Variants in ZCCHC7 observed in about 807,000 individuals in gnomAD.
ZCCHC7 encodes zinc finger CCHC domain-containing protein 7.
In ZCCHC7, 35 loss-of-function variants were observed where a neutral mutation model predicts 52.0. The ratio of observed to expected loss-of-function variants is 0.67; its 90% confidence interval spans 0.51 to 0.89. The LOEUF (loss-of-function observed/expected upper bound fraction) is 0.89, where lower values mean the gene tolerates loss of function less well. Ranked by LOEUF, ZCCHC7 falls within the 40% of genes least tolerant of loss-of-function variation. The pLI is 0.00. For missense variants in ZCCHC7, 574 were observed against 649.1 expected, an observed-to-expected ratio of 0.88 and a Z score of 1.26; for synonymous variants, 217 against 221.5, an observed-to-expected ratio of 0.98 and a Z score of 0.18.
chr9:37,255,619 T>A (rs67144625), intron 2 of ZCCHC7, among the ~76,000 whole-genome samples: 20,723 of 152,106 alleles, frequency 0.14, 1,726 homozygotes, highest in Non-Finnish European at 0.17. Context: ...GCTACTGTAT[T>A]TTAATATTTG....
chr9:37,178,167 A>G (rs1358885298), intron 2 of ZCCHC7, among the ~76,000 whole-genome samples: 2 of 152,168 alleles, frequency 1.3e-5, no homozygotes, highest in African/African-American at 4.8e-5. Flanking sequence ...TTAAAACACC[A>G]TGCTGATGAG....
intron 2 of ZCCHC7, among the ~76,000 whole-genome samples, chr9:37,263,349 T>C (rs1194050974): frequency 1.3e-5 from 2 of 152,086 alleles, no homozygotes; most frequent in Non-Finnish European, 2.9e-5. Flanking sequence ...TATATACCCT[T>C]ATATTTTGTA....
chr9:37,180,925 A>G (rs1822316777), intron 2 of ZCCHC7, among the ~76,000 whole-genome samples: 1 of 152,164 alleles, frequency 6.6e-6, no homozygotes, highest in Admixed American at 6.5e-5. Flanking sequence ...TTATTTATAA[A>G]ACAAATATTT....
chr9:37,300,901 A>G (rs1166194997), intron 2 of ZCCHC7, among the ~76,000 whole-genome samples: 1 of 152,224 alleles, frequency 6.6e-6, no homozygotes, highest in African/African-American at 2.4e-5. Context: ...AAAATAGCTG[A>G]TACAAGAAAA....
rs73646326 is a variant in ZCCHC7, at chr9:37,141,054, T to G, written c.610+14112T>G. Among the ~76,000 whole-genome samples, 376 of 152,078 alleles carry G rather than the reference T, an allele frequency of 2.5e-3. 2 individuals are homozygous for G. The highest frequency in any genetic ancestry group is 8.7e-3 in the African/African-American group (362 of 41,560). ...TATTTTTAGAATTTATTAAAACTAA[T>G]AAAATTTGTTTGGAAATCTCAAAAG... On this transcript the variant is annotated intron_variant, in intron 2 of 8. Coordinates refer to ENST00000336755, the MANE Select transcript of ZCCHC7 (RefSeq NM_032226.3).
At chr9:37,120,557 C>T (rs1037208025), upstream of ZCCHC7, 2 of 399,394 alleles carry the variant, frequency 5.0e-6, no homozygotes, top group Non-Finnish European at 8.8e-6. Flanking sequence ...CTCATTTGTC[C>T]TCGCCCCTCC....
At chr9:37,276,949 A>C (rs1318900441) in intron 2 of ZCCHC7, among the ~76,000 whole-genome samples, 1 of 152,224 alleles carries the variant, frequency 6.6e-6, no homozygotes, top group Non-Finnish European at 1.5e-5. Flanking sequence ...GGTTTATTAA[A>C]TAGTGAAAAA....
intron 2 of ZCCHC7, among the ~76,000 whole-genome samples, chr9:37,267,566 C>CTTTTT (rs983055913): frequency 6.9e-5 from 8 of 115,290 alleles, no homozygotes; most frequent in Non-Finnish European, 8.8e-5. Flanking sequence ...CTAATTTTTT[C>CTTTTT]TTTTTTTTTT....
intron 2 of ZCCHC7, among the ~76,000 whole-genome samples, chr9:37,268,457 C>T (rs1435624084): frequency 7.3e-5 from 11 of 150,648 alleles, no homozygotes; most frequent in East Asian, 1.9e-4. Flanking sequence ...GACAGAGTCT[C>T]GCTCTGTTGC....
intron 2 of ZCCHC7, among the ~76,000 whole-genome samples, chr9:37,277,225 T>C (rs1041418160): frequency 1.3e-5 from 2 of 152,226 alleles, no homozygotes; most frequent in African/African-American, 4.8e-5. Context: ...GAATTGTTCA[T>C]AATGTACCAA....
chr9:37,260,271 A>G (rs2133441760), intron 2 of ZCCHC7, among the ~76,000 whole-genome samples: 1 of 152,304 alleles, frequency 6.6e-6, no homozygotes. Flanking sequence ...TGCTGCCATC[A>G]TTGCCATTGC....
Position 37,198,242 on chromosome 9 carries a change from A to G in ZCCHC7, c.610+71300A>G, listed in dbSNP as rs73448454. Among the ~76,000 whole-genome samples the G allele has an allele frequency of 4.4e-3, 672 of 152,276 alleles. 3 individuals are homozygous for G. Among genetic ancestry groups the G allele is most frequent in the African/African-American group, 0.015 (643 of 41,538 alleles). On this transcript the variant is annotated intron_variant, in intron 2 of 8. Transcript: ENST00000336755. Reference sequence around the variant, plus strand: ...TCTATTCATCCTGTGAGATGAATAGACCCAGCTAAAATATCACTTGTTCTA... The same window carrying G: ...TCTATTCATCCTGTGAGATGAATAGGCCCAGCTAAAATATCACTTGTTCTA...
At chr9:37,213,354 A>G (rs376099284) in intron 2 of ZCCHC7, among the ~76,000 whole-genome samples, 3 of 152,306 alleles carry the variant, frequency 2.0e-5, no homozygotes, top group Admixed American at 6.5e-5. Context: ...GAAAACCTGT[A>G]GTTCCACAGG....
intron 2 of ZCCHC7, chr9:37,147,442 A>G (rs1359176592): frequency 6.6e-6 from 1 of 151,946 alleles, no homozygotes; most frequent in Admixed American, 6.6e-5. Context: ...ATGTAGAGCT[A>G]TAGGTGGGTG....
intron 2 of ZCCHC7, among the ~76,000 whole-genome samples, chr9:37,280,058 G>A (rs1333524303): frequency 6.6e-6 from 1 of 151,800 alleles, no homozygotes; most frequent in Non-Finnish European, 1.5e-5. Context: ...GGAGAATGGC[G>A]CGAACCCGGG....
intron 2 of ZCCHC7, among the ~76,000 whole-genome samples, chr9:37,203,576 T>G (rs1434956807): frequency 6.6e-6 from 1 of 152,192 alleles, no homozygotes; most frequent in Non-Finnish European, 1.5e-5. Context: ...TGTGTTCCTG[T>G]GTTAGTTTAC....
intron 2 of ZCCHC7, among the ~76,000 whole-genome samples, chr9:37,188,342 C>T (rs1268171846): frequency 6.6e-6 from 1 of 151,646 alleles, no homozygotes; most frequent in Non-Finnish European, 1.5e-5. Flanking sequence ...TTTATAGTGC[C>T]AAGATTTCAC....
chr9:37,131,140 A>G lies in ZCCHC7; in HGVS notation c.610+4198A>G, dbSNP rs183389070. Reference sequence around the variant, plus strand: ...TGGATCACGAGGTCGGGAGATCGAGACCAGCCTGGCTAACACGGTGAAACC... The same window carrying G: ...TGGATCACGAGGTCGGGAGATCGAGGCCAGCCTGGCTAACACGGTGAAACC... On this transcript the variant is annotated intron_variant, in intron 2 of 8. Transcript: ENST00000336755. Among the ~76,000 whole-genome samples, 1,128 of 151,654 alleles carry G rather than the reference A, an allele frequency of 7.4e-3. 14 individuals carry two copies. The highest frequency in any genetic ancestry group is 0.026 in the African/African-American group (1,069 of 41,354).
intron 2 of ZCCHC7, among the ~76,000 whole-genome samples, chr9:37,250,927 T>C (rs1826299992): frequency 6.6e-6 from 1 of 152,216 alleles, no homozygotes; most frequent in Non-Finnish European, 1.5e-5. Flanking sequence ...TCTGATTACT[T>C]TACAGAAGTG....
Sources: gnomAD v4.1 joint callset for allele counts (sites outside exome capture counted in the v4.1 genomes callset) on GRCh38, gnomAD v4.1.1 for gene constraint, MANE v1.5 for transcripts, NCBI Gene and HGNC (gene_info 2026-07-23, HGNC 2026-07-21) for gene names.